Variants in ADGRV1 observed in about 807,000 individuals in gnomAD.
The protein encoded by ADGRV1 is adhesion G protein-coupled receptor V1, also known as G-protein coupled receptor 98.
In ADGRV1, 359 loss-of-function variants were observed where a neutral mutation model predicts 596.2. The ratio of observed to expected loss-of-function variants is 0.60; its 90% CI spans 0.55 to 0.66. ADGRV1 has a LOEUF of 0.66. Among genes scored for constraint, ADGRV1 ranks in the 30% least tolerant of loss-of-function variants. ADGRV1 has a pLI of 0.00. For missense variants in ADGRV1, 7,274 were observed against 7,575.6 expected, an observed-to-expected ratio of 0.96 and a Z score of 1.48; for synonymous variants, 2,681 against 2,679.2, an observed-to-expected ratio of 1.00 and a Z score of -0.02.
intron 44 of ADGRV1, 73 bp from the exon 45 acceptor site, chr5:90,720,862 C>G (rs1430564390): frequency 8.1e-7 from 1 of 1,240,762 alleles, no homozygotes; most frequent in Non-Finnish European, 1.1e-6. Context: ...TATATGCTAG[C>G]AATATGATAT....
intron 3 of ADGRV1, among the ~76,000 whole-genome samples, chr5:90,618,876 G>C (rs1763696336): frequency 6.6e-6 from 1 of 151,690 alleles, no homozygotes; most frequent in African/African-American, 2.4e-5. Context: ...AGTGACTAAT[G>C]GTTTTCAAAA....
intron 85 of ADGRV1, among the ~76,000 whole-genome samples, chr5:91,045,593 G>C (rs1785732657): frequency 6.6e-6 from 1 of 151,804 alleles, no homozygotes; most frequent in Non-Finnish European, 1.5e-5. Context: ...CACTGAATGG[G>C]GAAAAGTTGA....
At chr5:90,839,056 T>A (rs1765208744) in intron 77 of ADGRV1, among the ~76,000 whole-genome samples, 1 of 152,166 alleles carries the variant, frequency 6.6e-6, no homozygotes, top group Admixed American at 6.5e-5. Flanking sequence ...TATATCCTAA[T>A]ATACACAATA....
chr5:90,781,610 T>G, intron 65 of ADGRV1, 32 bp downstream of exon 65: 1 of 1,567,602 alleles, frequency 6.4e-7, no homozygotes, highest in Non-Finnish European at 8.6e-7. Context: ...GTAAGTAAGT[T>G]TACTACCACT....
chr5:90,925,561 G>A (rs368940306), intron 83 of ADGRV1, among the ~76,000 whole-genome samples: 3 of 152,162 alleles, frequency 2.0e-5, no homozygotes, highest in Non-Finnish European at 4.4e-5. Context: ...TAGATATACA[G>A]TCATGTCGTC....
At chr5:90,941,292 T>G (rs1776148804) in intron 83 of ADGRV1, among the ~76,000 whole-genome samples, 1 of 152,158 alleles carries the variant, frequency 6.6e-6, no homozygotes, top group Non-Finnish European at 1.5e-5. Flanking sequence ...CTGGTGAAAA[T>G]TAAAGTTACA....
chr5:90,681,344 G>C lies in ADGRV1; in HGVS notation c.5554G>C (p.Val1852Leu), dbSNP rs1360407908. 1.2e-6 allele frequency: 2 copies of C among 1,613,544 alleles called. No homozygotes were observed. The highest frequency in any genetic ancestry group is 2.7e-5 in the African/African-American group (2 of 74,826). ...TCTAGGAGTGGCTTCCCAAATTCTA[G>C]TGACAATTGCAGCCTCTGACCACGC... is the stretch of plus-strand genomic sequence containing the variant. ...ASLGVASQIL[V>L]TIAASDHAHG... The change falls in exon 27 of 90, where the codon GTG becomes CTG. Residue 1852 changes from valine to leucine, a missense_variant. By Grantham distance (32) the Val-to-Leu change is conservative. Transcript: ENST00000405460.
Position 90,716,503 on chromosome 5 carries a change from G to T in ADGRV1, c.9221G>T (p.Gly3074Val), listed in dbSNP as rs532700419. The change falls in exon 43 of 90, where the codon GGA becomes GTA. Residue 3074 changes from glycine (G) to valine (V), a missense_variant. Gly to Val is a moderately radical substitution (Grantham distance 109). Coordinates refer to ENST00000405460, the MANE Select transcript of ADGRV1 (RefSeq NM_032119.4). ...IIVLANDDGPGVLSFNNSEHF... is the reference protein window; with the variant it reads ...IIVLANDDGPVVLSFNNSEHF... ...GTCCTTGCTAATGATGACGGCCCTG[G>T]AGTTCTATCATTTAACAACAGTGAG... The T allele has an allele frequency of 1.2e-6, 2 of 1,606,218 alleles. No individual in the cohort carries two copies. The highest frequency in any genetic ancestry group is 1.7e-6 in the Non-Finnish European group (2 of 1,175,284).
chr5:91,159,745 G>A (rs2126953756), intron 89 of ADGRV1, among the ~76,000 whole-genome samples: 2 of 151,608 alleles, frequency 1.3e-5, no homozygotes, highest in South Asian at 4.2e-4. Flanking sequence ...TATCATCAGT[G>A]TCCCCAACCA....
intron 72 of ADGRV1, among the ~76,000 whole-genome samples, chr5:90,807,317 A>G (rs1340163854): frequency 6.6e-6 from 1 of 152,198 alleles, no homozygotes; most frequent in Non-Finnish European, 1.5e-5. Flanking sequence ...CACTAAGTCT[A>G]TATTAAAGCT....
At chr5:90,668,217 C>A (rs1355102555) in intron 21 of ADGRV1, among the ~76,000 whole-genome samples, 3 of 151,636 alleles carry the variant, frequency 2.0e-5, no homozygotes, top group East Asian at 2.0e-4. Context: ...GCCTCGCTGC[C>A]GCCTTGCAGT....
intron 21 of ADGRV1, among the ~76,000 whole-genome samples, chr5:90,661,549 C>A (rs1289157084): frequency 6.6e-6 from 1 of 152,090 alleles, no homozygotes; most frequent in East Asian, 1.9e-4. Context: ...TTTTCTATTG[C>A]AATAGAGAAG....
chr5:90,799,959 C>G (rs893659010), intron 70 of ADGRV1, among the ~76,000 whole-genome samples: 1 of 151,940 alleles, frequency 6.6e-6, no homozygotes, highest in Non-Finnish European at 1.5e-5. Context: ...AAGTAAGACC[C>G]AAAACCATAA....
chr5:91,084,998 A>G (rs1234301776), intron 86 of ADGRV1, among the ~76,000 whole-genome samples: 2 of 152,204 alleles, frequency 1.3e-5, no homozygotes, highest in Non-Finnish European at 2.9e-5. Flanking sequence ...CAAACACCAC[A>G]TGTTCTCACT....
intron 48 of ADGRV1, among the ~76,000 whole-genome samples, chr5:90,726,650 G>GTTAT (rs1440173910): frequency 6.8e-5 from 8 of 117,792 alleles, no homozygotes; most frequent in African/African-American, 2.5e-4. Flanking sequence ...TCTCTCTCTG[G>GTTAT]GTATGTGTGT....
At chr5:90,718,228 A>T (rs1214687841) in intron 43 of ADGRV1, 1 of 152,226 alleles carries the variant, frequency 6.6e-6, no homozygotes, top group Non-Finnish European at 1.5e-5. Flanking sequence ...ATGTGAAATT[A>T]TACAGTATTT....
At chr5:90,572,800 T>A (rs767232102) in intron 1 of ADGRV1, among the ~76,000 whole-genome samples, 11 of 152,074 alleles carry the variant, frequency 7.2e-5, no homozygotes, top group Non-Finnish European at 1.6e-4. Context: ...TCCTGTACTG[T>A]GAGAGAGGAG....
rs1401833663 is a variant in ADGRV1, at chr5:90,795,045, A to G, written c.14517+3699A>G. 3.3e-5 allele frequency among the ~76,000 whole-genome samples: 5 copies of G among 149,706 alleles called. No individual in the cohort carries two copies. In the East Asian group the frequency reaches 7.9e-4, roughly 24 times the overall value. On this transcript the variant is annotated intron_variant, in intron 70 of 89. Transcript: ENST00000405460. ...CAGGGCCCTGGGTTTCAAGCACAAA[A>G]CTGGGCAGCTGTTTGGGCAGACACC...
At position 90,925,100 on chromosome 5, in the gene ADGRV1, C is replaced by A. The variant is rs375217467; in HGVS notation, c.17857-40315C>A. 3.0e-3 allele frequency among the ~76,000 whole-genome samples: 454 copies of A among 152,148 alleles called. 19 individuals carry two copies. In the East Asian group the frequency reaches 0.081, roughly 27 times the overall value. On this transcript the variant is annotated intron_variant, in intron 83 of 89. Transcript: ENST00000405460. ...AGCTTTTTCTTTTGGCTTAGGATTGCCTTGGCGATGCGGGCTCTTTTTTGG... is the reference window on the plus strand; with the variant it reads ...AGCTTTTTCTTTTGGCTTAGGATTGACTTGGCGATGCGGGCTCTTTTTTGG...
Sources: gnomAD v4.1 joint callset for allele counts (sites outside exome capture counted in the v4.1 genomes callset) on GRCh38, gnomAD v4.1.1 for gene constraint, MANE v1.5 for transcripts, NCBI Gene and HGNC (gene_info 2026-07-23, HGNC 2026-07-21) for gene names.